ANAPC5: variants seen among roughly 807,000 people sequenced by gnomAD.
The protein encoded by ANAPC5 is anaphase promoting complex subunit 5, also known as anaphase-promoting complex subunit 5.
ANAPC5 carries 60 observed loss-of-function variants against 91.3 expected under a neutral mutation model. The ratio of observed to expected loss-of-function variants is 0.66; its 90% CI spans 0.53 to 0.81. The LOEUF is 0.81. Ranked by LOEUF, ANAPC5 falls within the 40% of genes least tolerant of loss-of-function variation. The pLI, the probability that ANAPC5 is intolerant of heterozygous loss-of-function variation, is 0.00. For missense variants in ANAPC5, 690 were observed against 931.5 expected, an observed-to-expected ratio of 0.74 and a Z score of 3.37; for synonymous variants, 340 against 364.1, an observed-to-expected ratio of 0.93 and a Z score of 0.75.
intron 15 of ANAPC5, among the ~76,000 whole-genome samples, chr12:121,311,343 T>A (rs1158719762): frequency 6.6e-6 from 1 of 152,084 alleles, no homozygotes; most frequent in East Asian, 1.9e-4. Flanking sequence ...AAAAGAAAGC[T>A]GGAGTGCCTA....
intron 3 of ANAPC5, 139 bp from the exon 4 acceptor site, chr12:121,346,170 C>T (rs1371075337): frequency 1.5e-6 from 1 of 683,538 alleles, no homozygotes; most frequent in Non-Finnish European, 2.4e-6. Flanking sequence ...AGTTGCCATT[C>T]CCTCCTCCTG....
chr12:121,350,663 G>A (rs2950417), intron 1 of ANAPC5, among the ~76,000 whole-genome samples: 108,485 of 150,450 alleles, frequency 0.72, 43,690 homozygotes, highest in Non-Finnish European at 0.9. Flanking sequence ...CCTGAGCGAC[G>A]GAGCGAGACT....
intron 5 of ANAPC5, among the ~76,000 whole-genome samples, chr12:121,339,856 T>C (rs1259550429): frequency 1.3e-5 from 2 of 150,496 alleles, no homozygotes; most frequent in Non-Finnish European, 2.9e-5. Context: ...TTCTCCTACA[T>C]GTTTTCTTCC....
intron 9 of ANAPC5, chr12:121,328,760 C>A: frequency 2.9e-6 from 1 of 346,022 alleles, no homozygotes. Context: ...TAAACACTGC[C>A]TCTGCTACTT....
chr12:121,337,855 T>C (rs2136800724), intron 5 of ANAPC5, among the ~76,000 whole-genome samples: 1 of 152,264 alleles, frequency 6.6e-6, no homozygotes, highest in East Asian at 1.9e-4. Flanking sequence ...TGTAAGCTCC[T>C]TCCAGGCAGG....
intron 6 of ANAPC5, among the ~76,000 whole-genome samples, chr12:121,337,021 C>T (rs1903260481): frequency 6.6e-6 from 1 of 152,146 alleles, no homozygotes; most frequent in Non-Finnish European, 1.5e-5. Flanking sequence ...AGATCAAGAC[C>T]ATCCTGGCCA....
Position 121,329,923 on chromosome 12 carries a change from C to T in ANAPC5, c.1122+660G>A, listed in dbSNP as rs151305333. Among the ~76,000 whole-genome samples the T allele has an allele frequency of 1.7e-3, 253 of 152,258 alleles. 1 individual carries two copies. The highest frequency in any genetic ancestry group is 2.9e-3 in the Non-Finnish European group (196 of 68,016). On this transcript the variant is annotated intron_variant, in intron 9 of 16. Coordinates refer to ENST00000261819, the MANE Select transcript of ANAPC5 (RefSeq NM_016237.5). ...AGCCACCACGCCCAGCCAGATAAGC[C>T]TTTTCAATGCCCCTCTGTGTATGTC... is the stretch of plus-strand genomic sequence containing the variant.
At chr12:121,329,704 C>T (rs1280787531) in intron 9 of ANAPC5, among the ~76,000 whole-genome samples, 3 of 151,870 alleles carry the variant, frequency 2.0e-5, no homozygotes, top group African/African-American at 7.3e-5. Flanking sequence ...CAATCTCCAC[C>T]TCCCAGGTTC....
At position 121,327,154 on chromosome 12, in the gene ANAPC5, T is replaced by C; in HGVS notation, c.1382A>G (p.Asn461Ser). Residue 461 changes from asparagine to serine, a missense_variant, in exon 11 of 17, where the codon AAC becomes AGC. Asn to Ser is a conservative substitution (Grantham distance 46). Coordinates refer to ENST00000261819, the MANE Select transcript of ANAPC5 (RefSeq NM_016237.5). ...TGCGACAGCAAAGGACTCTGTGTTG[T>C]TCTGCTGCACGCCCGCATTCACCGC... ...LEAVNAGVQQNNTESFAVALC... is the reference protein window; with the variant it reads ...LEAVNAGVQQSNTESFAVALC... 1.2e-6 allele frequency: 2 copies of C among 1,613,442 alleles called. No homozygotes were observed. Among genetic ancestry groups the C allele is most frequent in the South Asian group, 1.1e-5 (1 of 91,066 alleles).
chr12:121,326,450 T>C (rs570599233), intron 11 of ANAPC5: 1 of 152,342 alleles, frequency 6.6e-6, no homozygotes. Context: ...AAGCCTACAG[T>C]AGCAGAAGAG....
At position 121,344,634 on chromosome 12, in the gene ANAPC5, C is replaced by T. The variant is rs1227571936; in HGVS notation, c.590+1205G>A. On this transcript the variant is annotated intron_variant, in intron 4 of 16. Transcript: ENST00000261819. Reference sequence around the variant, plus strand: ...AAAGTATTTGGGATAGGCGCTACCTCGTGGTCAGGGAGGCCCGTCTGAGGA... The same window carrying T: ...AAAGTATTTGGGATAGGCGCTACCTTGTGGTCAGGGAGGCCCGTCTGAGGA... Among the ~76,000 whole-genome samples, 3 of 151,602 alleles carry T rather than the reference C, an allele frequency of 2.0e-5. No homozygotes were observed. In the South Asian group the frequency reaches 6.3e-4, roughly 32 times the overall value.
Position 121,308,508 on chromosome 12 carries a change from T to C in ANAPC5, c.2240A>G (p.His747Arg), listed in dbSNP as rs1369787298. ...FRQLHQELPS[H>R]GVPLINHL ...GAGATGGTTTATCAAGGGTACCCCA[T>C]GAGAGGGCAGCTCCTGATGCAGCTG... is the stretch of plus-strand genomic sequence containing the variant. Residue 747 changes from histidine (H) to arginine (R), a missense_variant, in exon 17 of 17, where the codon CAT (histidine) becomes CGT (arginine). Coordinates refer to ENST00000261819, the MANE Select transcript of ANAPC5 (RefSeq NM_016237.5). 1 of 1,613,988 alleles carries C rather than the reference T, an allele frequency of 6.2e-7. No individual in the cohort carries two copies. The highest frequency in any genetic ancestry group is 8.5e-7 in the Non-Finnish European group (1 of 1,180,006).
chr12:121,352,387 T>C lies in ANAPC5; in HGVS notation c.-47A>G. The C allele has an allele frequency of 1.3e-6, 2 of 1,509,684 alleles. No homozygotes were observed. The highest frequency in any genetic ancestry group is 9.1e-7 in the Non-Finnish European group (1 of 1,102,096). The allele number at this position is 1,509,684 out of a possible 1,614,324, so 93.5% of individuals were successfully genotyped here. ...GGGCCCGCGGCGCGCTGCCGCCAGT[T>C]GTCACCACAAGGCACAACACTACCG... On this transcript the variant is annotated 5_prime_UTR_variant, in exon 1 of 17. Transcript: ENST00000261819.
intron 7 of ANAPC5, 70 bp downstream of exon 7, chr12:121,335,463 G>C: frequency 6.6e-7 from 1 of 1,504,040 alleles, no homozygotes; most frequent in South Asian, 1.3e-5. Flanking sequence ...ACCGCACCAG[G>C]CCAAACAGCA....
rs187749307 is a variant in ANAPC5, at chr12:121,325,188, C to T, written c.1440+1908G>A. 7.2e-5 allele frequency among the ~76,000 whole-genome samples: 11 copies of T among 152,108 alleles called. No individual in the cohort carries two copies. In the East Asian group the frequency reaches 1.2e-3, roughly 16 times the overall value. On this transcript the variant is annotated intron_variant, in intron 11 of 16. Transcript: ENST00000261819. Reference sequence around the variant, plus strand: ...CAAAAAAAATTAAAAACTGGCTGGGCGCGGTGGCTAACGCCTATAATCCCA... The same window carrying T: ...CAAAAAAAATTAAAAACTGGCTGGGTGCGGTGGCTAACGCCTATAATCCCA...
chr12:121,353,644 G>A (rs187180438), upstream of ANAPC5, among the ~76,000 whole-genome samples: 2 of 151,978 alleles, frequency 1.3e-5, no homozygotes, highest in Admixed American at 1.3e-4. Flanking sequence ...GTGTCACCGT[G>A]TTAGCCAGGA....
chr12:121,318,199 T>C (rs560566370), intron 15 of ANAPC5, 78 bp downstream of exon 15: 2 of 1,422,142 alleles, frequency 1.4e-6, no homozygotes, highest in South Asian at 1.7e-5. Context: ...ATTATTATCC[T>C]TTCAATACTC....
intron 15 of ANAPC5, 26 bp downstream of exon 15, chr12:121,318,251 T>C: frequency 6.7e-7 from 1 of 1,500,668 alleles, no homozygotes; most frequent in Non-Finnish European, 8.9e-7. Context: ...CACAAATATG[T>C]GCTATAAAAA....
Position 121,344,980 on chromosome 12 carries a change from T to C in ANAPC5, c.590+859A>G, listed in dbSNP as rs115939291. On this transcript the variant is annotated intron_variant, in intron 4 of 16. Coordinates refer to ENST00000261819, the MANE Select transcript of ANAPC5 (RefSeq NM_016237.5). ...CCAGATGCTGCCTGAAGAACAGATG[T>C]AGGGAGACAGGAGTTAAGTCAAGGA... 5.9e-3 allele frequency among the ~76,000 whole-genome samples: 892 copies of C among 152,218 alleles called. 10 individuals carry two copies. Among genetic ancestry groups the C allele is most frequent in the African/African-American group, 0.021 (854 of 41,548 alleles).
Sources: allele counts gnomAD v4.1 joint callset (sites outside exome capture counted in the v4.1 genomes callset), GRCh38; gene constraint gnomAD v4.1.1; transcripts MANE v1.5; gene names NCBI Gene and HGNC (gene_info 2026-07-23, HGNC 2026-07-21).